Variants in DST observed in about 807,000 individuals in gnomAD.
DST encodes the protein dystonin.
DST carries 253 observed loss-of-function variants against 875.2 expected under a neutral mutation model. That is an observed-to-expected ratio of 0.29 (90% CI 0.26 to 0.32). DST has a LOEUF of 0.32. DST is among the 10% of genes least tolerant of loss of function. The pLI is 1.00. For missense variants in DST, 8,287 were observed against 9,111.6 expected (o/e 0.91, Z 3.68); for synonymous variants, 3,124 against 3,197.1 (o/e 0.98, Z 0.77).
intron 102 of DST, chr6:56,461,535 A>G (rs1209214750): frequency 6.6e-6 from 1 of 152,214 alleles, no homozygotes; most frequent in Non-Finnish European, 1.5e-5. Flanking sequence ...GACCAAAATC[A>G]TTCTTCTCAG....
At chr6:56,482,396 C>T (rs1483216623) in intron 89 of DST, 3 of 571,432 alleles carry the variant, frequency 5.2e-6, no homozygotes, top group Non-Finnish European at 8.2e-6. Context: ...AAAAATTTAC[C>T]ACTTTAACAA....
chr6:56,603,815 T>C, intron 40 of DST, 22 bp downstream of exon 40: 1 of 1,597,288 alleles, frequency 6.3e-7, no homozygotes, highest in East Asian at 2.2e-5. Context: ...TTTTTCTGTA[T>C]AAAATGTATA....
intron 4 of DST, among the ~76,000 whole-genome samples, chr6:56,827,506 C>CAAA (rs779051829): frequency 0.17 from 9,926 of 58,544 alleles, 747 homozygotes; most frequent in Non-Finnish European, 0.27. Context: ...GACTCCGTCT[C>CAAA]AAAAAAAAAA....
rs1164918084 is a variant in DST at position 56,605,330 on chromosome 6, T to C, written c.9298A>G (p.Asn3100Asp). The stretch of plus-strand genomic sequence containing the variant: ...CTTCCTTTCTGATTAAGTTCTTCAT[T>C]GTTTGTGATTTGTGGAAATGGAAAC... ...SQFPFPQITN[N>D]EELNQKGSLK... is the part of the protein sequence containing the mutation. Residue 3100 changes from asparagine (N) to aspartate (D), a missense_variant, in exon 40 of 104, where the codon AAT becomes GAT. This residue lies in a region of DST where 3,138 missense variants were observed against 3,116.6 expected (regional missense o/e 1.01). Coordinates refer to ENST00000680361, the MANE Select transcript of DST (RefSeq NM_001374736.1). 1.2e-6 allele frequency: 2 copies of C among 1,612,466 alleles called. No individual in the cohort carries two copies. The highest frequency in any genetic ancestry group is 1.3e-5 in the African/African-American group (1 of 74,980).
chr6:56,752,823 C>T (rs968829310), intron 4 of DST, among the ~76,000 whole-genome samples: 5 of 151,798 alleles, frequency 3.3e-5, no homozygotes. Context: ...CGGAGTTTTG[C>T]TCTTGTTGCC....
At chr6:56,838,830 A>C (rs562009509) in intron 4 of DST, among the ~76,000 whole-genome samples, 3 of 152,362 alleles carry the variant, frequency 2.0e-5, no homozygotes, top group Admixed American at 2.0e-4. Flanking sequence ...AAAACATTCA[A>C]ATGCGTCATT....
chr6:56,924,281 C>A, intron 2 of DST, among the ~76,000 whole-genome samples: 1 of 152,254 alleles, frequency 6.6e-6, no homozygotes, highest in South Asian at 2.1e-4. Context: ...TATCACTGAA[C>A]GCAGAGTTGG....
intron 4 of DST, among the ~76,000 whole-genome samples, chr6:56,845,095 TCTCA>T (rs1233243509): frequency 1.4e-4 from 21 of 152,158 alleles, no homozygotes; most frequent in East Asian, 9.6e-4. Context: ...GGAGGTGGGG[TCTCA>T]CTCTGTCATC....
At chr6:56,696,957 G>A (rs552427995) in intron 9 of DST, among the ~76,000 whole-genome samples, 30 of 151,836 alleles carry the variant, frequency 2.0e-4, no homozygotes, top group African/African-American at 6.5e-4. Flanking sequence ...CCTTCTTTCC[G>A]ATAAAATCAG....
chr6:56,930,798 T>C (rs987083133), intron 2 of DST, among the ~76,000 whole-genome samples: 3 of 152,326 alleles, frequency 2.0e-5, no homozygotes, highest in Middle Eastern at 3.4e-3. Context: ...ATTGCACAAA[T>C]GCTGCTGAAC....
intron 34 of DST, among the ~76,000 whole-genome samples, chr6:56,625,984 A>C (rs1041398689): frequency 1.1e-4 from 16 of 151,288 alleles, no homozygotes; most frequent in Non-Finnish European, 1.8e-4. Flanking sequence ...AAAAAAAAAA[A>C]AAAAAACCAA....
chr6:56,597,602 T>A, intron 47 of DST, 138 bp downstream of exon 47: 1 of 801,266 alleles, frequency 1.2e-6, no homozygotes, highest in Non-Finnish European at 1.9e-6. Context: ...CTCATAATAA[T>A]TTATATCTGA....
chr6:56,505,481 GAA>G (rs71549712), intron 77 of DST, among the ~76,000 whole-genome samples: 1 of 139,714 alleles, frequency 7.2e-6, no homozygotes, highest in Non-Finnish European at 1.6e-5. Context: ...GGTTACAAAA[GAA>G]AAAAAAAAAA....
chr6:56,603,542 A>C, intron 41 of DST, 22 bp downstream of exon 41: 1 of 1,598,138 alleles, frequency 6.3e-7, no homozygotes, highest in Non-Finnish European at 8.5e-7. Context: ...CCATCCATAA[A>C]GAGGCAGTAG....
At chr6:56,900,149 T>C (rs1793398606) in intron 3 of DST, among the ~76,000 whole-genome samples, 1 of 152,228 alleles carries the variant, frequency 6.6e-6, no homozygotes, top group South Asian at 2.1e-4. Context: ...ATTCTAGAAC[T>C]CCAGCTTCAG....
intron 2 of DST, among the ~76,000 whole-genome samples, chr6:56,904,621 C>T (rs565818611): frequency 2.0e-5 from 3 of 152,210 alleles, no homozygotes; most frequent in East Asian, 1.9e-4. Context: ...CTATAAACAA[C>T]GATGACCGTT....
At chr6:56,880,416 A>G (rs1781543989) in intron 3 of DST, among the ~76,000 whole-genome samples, 1 of 152,222 alleles carries the variant, frequency 6.6e-6, no homozygotes, top group South Asian at 2.1e-4. Context: ...GGCCAGGCGC[A>G]GTGGCCCATG....
At chr6:56,779,822 C>T in intron 4 of DST, among the ~76,000 whole-genome samples, 1 of 149,266 alleles carries the variant, frequency 6.7e-6, no homozygotes, top group Non-Finnish European at 1.5e-5. Context: ...TGTGCTGCAC[C>T]CATTAACTCG....
intron 4 of DST, among the ~76,000 whole-genome samples, chr6:56,740,344 G>A (rs1171445388): frequency 6.6e-6 from 1 of 152,134 alleles, no homozygotes; most frequent in Non-Finnish European, 1.5e-5. Flanking sequence ...ATGACCTGGA[G>A]AGGACACCTG....
Sources: gnomAD v4.1 joint callset for allele counts (sites outside exome capture counted in the v4.1 genomes callset) on GRCh38, gnomAD v4.1.1 for gene constraint, gnomAD v4.1.1 regional missense constraint, MANE v1.5 for transcripts, NCBI Gene and HGNC (gene_info 2026-07-23, HGNC 2026-07-21) for gene names.